CTNNA3: variants seen among roughly 807,000 people sequenced by gnomAD.
CTNNA3 encodes the protein catenin alpha 3, also known as catenin alpha-3.
In CTNNA3, 76 loss-of-function variants were observed where a neutral mutation model predicts 95.7. That is an observed-to-expected ratio of 0.79 (90% confidence interval 0.66 to 0.96). The LOEUF is 0.96. CTNNA3 is among the 40% of genes least tolerant of loss of function. The probability of loss-of-function intolerance (pLI) is 0.00; values close to 1 mark genes in which losing one functional copy is unlikely to be tolerated. For synonymous variants in CTNNA3, 431 were observed against 374.4 expected, an observed-to-expected ratio of 1.15 and a Z score of -1.74; for missense variants, 1,191 against 1,089.8, an observed-to-expected ratio of 1.09 and a Z score of -1.31.
At chr10:66,196,819 A>C (rs1426637182) in intron 13 of CTNNA3, among the ~76,000 whole-genome samples, 1 of 152,186 alleles carries the variant, frequency 6.6e-6, no homozygotes, top group Non-Finnish European at 1.5e-5. Context: ...GCCAAGACAC[A>C]CAGAAGTGTT....
At chr10:66,330,397 A>T (rs1475143725) in intron 12 of CTNNA3, among the ~76,000 whole-genome samples, 1 of 151,916 alleles carries the variant, frequency 6.6e-6, no homozygotes, top group African/African-American at 2.4e-5. Context: ...AAGGACATGA[A>T]CTCATCCTGT....
chr10:67,267,467 C>A (rs1866876872), intron 5 of CTNNA3, among the ~76,000 whole-genome samples: 1 of 152,150 alleles, frequency 6.6e-6, no homozygotes, highest in South Asian at 2.1e-4. Context: ...CAGGTTCATG[C>A]CATCCTCCTG....
intron 7 of CTNNA3, among the ~76,000 whole-genome samples, chr10:66,822,361 C>G (rs1842333068): frequency 6.6e-6 from 1 of 152,032 alleles, no homozygotes; most frequent in Non-Finnish European, 1.5e-5. Flanking sequence ...ATCACAGTGT[C>G]CCAGGGAGCC....
At chr10:66,783,590 G>T (rs1381232078) in intron 7 of CTNNA3, among the ~76,000 whole-genome samples, 3 of 151,996 alleles carry the variant, frequency 2.0e-5, no homozygotes, top group Non-Finnish European at 4.4e-5. Flanking sequence ...TACGAACGTG[G>T]AGAAATGCAA....
intron 15 of CTNNA3, among the ~76,000 whole-genome samples, chr10:66,039,869 T>C (rs1329315669): frequency 6.6e-6 from 1 of 151,818 alleles, no homozygotes; most frequent in Non-Finnish European, 1.5e-5. Flanking sequence ...CAAAAGCAAA[T>C]GGGATCTAAC....
intron 7 of CTNNA3, among the ~76,000 whole-genome samples, chr10:67,045,417 T>TG (rs1854666476): frequency 2.0e-5 from 3 of 152,260 alleles, no homozygotes; most frequent in Admixed American, 2.0e-4. Flanking sequence ...TGTTGGTTTT[T>TG]TTGTTGTTGT....
At chr10:67,552,236 A>G (rs1841059148) in intron 3 of CTNNA3, among the ~76,000 whole-genome samples, 1 of 152,260 alleles carries the variant, frequency 6.6e-6, no homozygotes, top group African/African-American at 2.4e-5. Flanking sequence ...ATATTTAAGT[A>G]CAATCATTCC....
At chr10:66,015,937 T>C (rs1993850) in intron 15 of CTNNA3, among the ~76,000 whole-genome samples, 26,779 of 152,132 alleles carry the variant, frequency 0.18, 2,625 homozygotes, top group Admixed American at 0.25. Flanking sequence ...TAAATATATA[T>C]GTTAAATATT....
At chr10:66,431,712 A>T (rs576001648) in intron 11 of CTNNA3, among the ~76,000 whole-genome samples, 26 of 138,824 alleles carry the variant, frequency 1.9e-4, no homozygotes, top group Admixed American at 1.6e-3. Context: ...ACACTTGGAC[A>T]CAGGAAGGGG....
intron 10 of CTNNA3, among the ~76,000 whole-genome samples, chr10:66,580,135 C>CATGG (rs1175214161): frequency 4.6e-5 from 7 of 151,566 alleles, no homozygotes; most frequent in African/African-American, 1.5e-4. Flanking sequence ...AGCTATTGAG[C>CATGG]CCATATGTTG....
Position 66,365,115 on chromosome 10 carries a change from G to A in CTNNA3, c.1732+14037C>T, listed in dbSNP as rs191753804. Among the ~76,000 whole-genome samples, 139 of 152,250 alleles carry A rather than the reference G, an allele frequency of 9.1e-4. 1 individual carries two copies. The highest frequency in any genetic ancestry group is 3.0e-3 in the African/African-American group (125 of 41,552). ...TAAGATATATGTGCACTAAAAATGT[G>A]TAGTCTCTCGGAACCAACCCAAATG... On this transcript the variant is annotated intron_variant, in intron 12 of 17. Coordinates refer to ENST00000433211, the MANE Select transcript of CTNNA3 (RefSeq NM_013266.4).
At chr10:66,234,104 T>A (rs1438319661) in intron 13 of CTNNA3, among the ~76,000 whole-genome samples, 1 of 152,196 alleles carries the variant, frequency 6.6e-6, no homozygotes, top group African/African-American at 2.4e-5. Flanking sequence ...AATGACTGGG[T>A]AGGCACACAA....
intron 5 of CTNNA3, among the ~76,000 whole-genome samples, chr10:67,445,505 T>C (rs1846713131): frequency 6.6e-6 from 1 of 152,038 alleles, no homozygotes; most frequent in Non-Finnish European, 1.5e-5. Flanking sequence ...ACAAACCTAC[T>C]GCAACCCACT....
intron 7 of CTNNA3, among the ~76,000 whole-genome samples, chr10:67,177,734 G>C (rs1589826274): frequency 6.6e-6 from 1 of 152,146 alleles, no homozygotes; most frequent in Non-Finnish European, 1.5e-5. Flanking sequence ...ATTTGTGATA[G>C]AAACCTGGAG....
At chr10:66,148,482 C>T (rs2084013985) in intron 13 of CTNNA3, among the ~76,000 whole-genome samples, 1 of 152,022 alleles carries the variant, frequency 6.6e-6, no homozygotes, top group South Asian at 2.1e-4. Context: ...GGTCTCTGCC[C>T]TCGAGGATGG....
At chr10:67,678,543 C>T (rs1840572457) in intron 1 of CTNNA3, among the ~76,000 whole-genome samples, 1 of 152,120 alleles carries the variant, frequency 6.6e-6, no homozygotes, top group South Asian at 2.1e-4. Context: ...GTGAAAGTGA[C>T]AGGAACCTTG....
At chr10:66,102,823 G>A (rs2081697955) in intron 14 of CTNNA3, among the ~76,000 whole-genome samples, 1 of 152,034 alleles carries the variant, frequency 6.6e-6, no homozygotes, top group African/African-American at 2.4e-5. Context: ...TAGAATTCCC[G>A]AGTATATTTA....
At chr10:66,755,928 C>T (rs1015354718) in intron 9 of CTNNA3, among the ~76,000 whole-genome samples, 10 of 152,104 alleles carry the variant, frequency 6.6e-5, no homozygotes, top group African/African-American at 2.4e-4. Flanking sequence ...TACACAATTG[C>T]CATTTACTTT....
At chr10:66,588,912 A>G (rs74143426) in intron 10 of CTNNA3, among the ~76,000 whole-genome samples, 2,964 of 149,708 alleles carry the variant, frequency 0.02, 74 homozygotes, top group African/African-American at 0.062. Context: ...AGATAAAAGA[A>G]GGTCTCTGTG....
Sources: gnomAD v4.1 joint callset for allele counts (sites outside exome capture counted in the v4.1 genomes callset) on GRCh38, gnomAD v4.1.1 for gene constraint, MANE v1.5 for transcripts, NCBI Gene and HGNC (gene_info 2026-07-23, HGNC 2026-07-21) for gene names.